DGKI: variants seen among roughly 807,000 people sequenced by gnomAD.
DGKI encodes DAG kinase iota.
DGKI carries 55 observed loss-of-function variants against 147.5 expected under a neutral mutation model. The ratio of observed to expected loss-of-function variants is 0.37; its 90% CI spans 0.30 to 0.47. The LOEUF (loss-of-function observed/expected upper bound fraction) is 0.47, where lower values mean the gene tolerates loss of function less well. Among genes scored for constraint, DGKI ranks in the 20% least tolerant of loss-of-function variants. The pLI, the probability that DGKI is intolerant of heterozygous loss-of-function variation, is 1.00. For missense variants in DGKI, 1,007 were observed against 1,323.8 expected (o/e 0.76, Z 3.71); for synonymous variants, 469 against 477.1 (o/e 0.98, Z 0.22).
chr7:137,695,477 A>G (rs532527681), intron 1 of DGKI, among the ~76,000 whole-genome samples: 1 of 152,338 alleles, frequency 6.6e-6, no homozygotes, highest in African/African-American at 2.4e-5. Flanking sequence ...TATTTTACGT[A>G]TCCCTCACAA....
At chr7:137,597,379 G>C (rs1244887231) in intron 12 of DGKI, among the ~76,000 whole-genome samples, 1 of 151,316 alleles carries the variant, frequency 6.6e-6, no homozygotes, top group African/African-American at 2.4e-5. Flanking sequence ...CAACAAAAAA[G>C]AACATAAATA....
At chr7:137,691,424 C>T (rs1823598655) in intron 1 of DGKI, among the ~76,000 whole-genome samples, 1 of 152,124 alleles carries the variant, frequency 6.6e-6, no homozygotes, top group South Asian at 2.1e-4. Context: ...ACTTCTCAAC[C>T]CCTTGGACTA....
rs144381154 is a variant in DGKI, at chr7:137,768,744, A to G, written c.401+77718T>C. 3.0e-4 allele frequency among the ~76,000 whole-genome samples: 45 copies of G among 152,208 alleles called. No homozygotes were observed. The East Asian group carries it at 5.6e-3, about 19-fold the overall frequency. On this transcript the variant is annotated intron_variant, in intron 1 of 32. Coordinates refer to ENST00000614521, the MANE Select transcript of DGKI (RefSeq NM_001321708.2). ...TCCTTGCCTTCCTCCTCCAGAGCCA[A>G]CATTCTTTGGGCTGCCTCCTTCACA...
At chr7:137,834,837 C>T (rs569473656) in intron 1 of DGKI, among the ~76,000 whole-genome samples, 1 of 152,216 alleles carries the variant, frequency 6.6e-6, no homozygotes, top group South Asian at 2.1e-4. Context: ...GGCTTCCACA[C>T]ACAGATCAAT....
intron 20 of DGKI, among the ~76,000 whole-genome samples, chr7:137,523,489 G>T (rs1406613105): frequency 6.6e-6 from 1 of 151,592 alleles, no homozygotes; most frequent in Non-Finnish European, 1.5e-5. Flanking sequence ...TTAAACTGTG[G>T]CTATTTAAAA....
At chr7:137,503,666 C>A (rs144412716) in intron 21 of DGKI, among the ~76,000 whole-genome samples, 1 of 152,088 alleles carries the variant, frequency 6.6e-6, no homozygotes, top group Non-Finnish European at 1.5e-5. Context: ...AGGAAAATTA[C>A]GATTCCAGAT....
chr7:137,809,365 A>C (rs566617390), intron 1 of DGKI, among the ~76,000 whole-genome samples: 2 of 152,212 alleles, frequency 1.3e-5, no homozygotes, highest in Non-Finnish European at 2.9e-5. Flanking sequence ...GCCTGATCTG[A>C]AGCAATGACA....
chr7:137,448,482 TGGAGGGAAGGAA>T (rs906786610), intron 27 of DGKI, among the ~76,000 whole-genome samples: 2 of 133,808 alleles, frequency 1.5e-5, no homozygotes, highest in South Asian at 2.4e-4. Flanking sequence ...AATTTAGAAA[TGGAGGGAAGGAA>T]GGAGGGAAGG....
intron 20 of DGKI, among the ~76,000 whole-genome samples, chr7:137,542,604 A>G (rs1487035812): frequency 1.3e-5 from 2 of 152,070 alleles, no homozygotes; most frequent in Non-Finnish European, 2.9e-5. Context: ...GGGAGATGGG[A>G]GGGTTTGACT....
At chr7:137,695,707 A>G (rs1464760160) in intron 1 of DGKI, among the ~76,000 whole-genome samples, 1 of 152,220 alleles carries the variant, frequency 6.6e-6, no homozygotes, top group Non-Finnish European at 1.5e-5. Flanking sequence ...ACACATATAC[A>G]TAGCAAACCA....
intron 21 of DGKI, among the ~76,000 whole-genome samples, chr7:137,496,290 C>T: frequency 6.6e-6 from 1 of 152,010 alleles, no homozygotes; most frequent in African/African-American, 2.4e-5. Flanking sequence ...TTACAAAACA[C>T]TGCTCAAAGA....
intron 28 of DGKI, among the ~76,000 whole-genome samples, chr7:137,439,320 G>A (rs1287060887): frequency 1.3e-5 from 2 of 152,250 alleles, no homozygotes; most frequent in East Asian, 3.9e-4. Flanking sequence ...TGCTAATAAA[G>A]ACATACTCAA....
At chr7:137,410,233 G>A (rs979711131) in intron 29 of DGKI, among the ~76,000 whole-genome samples, 8 of 151,976 alleles carry the variant, frequency 5.3e-5, no homozygotes, top group African/African-American at 1.2e-4. Flanking sequence ...GTGAAACCCC[G>A]TCTCAAGTAA....
chr7:137,731,829 C>T (rs1189786750), intron 1 of DGKI, among the ~76,000 whole-genome samples: 1 of 152,036 alleles, frequency 6.6e-6, no homozygotes, highest in African/African-American at 2.4e-5. Flanking sequence ...CCCAGAATTG[C>T]CAAGCCCCCA....
intron 28 of DGKI, among the ~76,000 whole-genome samples, chr7:137,434,671 A>G (rs2096125093): frequency 6.6e-6 from 1 of 152,304 alleles, no homozygotes; most frequent in African/African-American, 2.4e-5. Context: ...GATAATTATC[A>G]CCAACAAAGC....
intron 4 of DGKI, 48 bp downstream of exon 4, chr7:137,656,418 C>T (rs747494921): frequency 6.9e-6 from 11 of 1,601,340 alleles, no homozygotes; most frequent in Non-Finnish European, 9.4e-6. Flanking sequence ...CCTCTGAAGA[C>T]CAAATACTTG....
rs545513471 is a variant in DGKI, at chr7:137,406,247, C to G, written c.2920+1628G>C. Among the ~76,000 whole-genome samples the G allele has an allele frequency of 7.2e-5, 11 of 152,280 alleles. No individual in the cohort carries two copies. The East Asian group carries it at 1.9e-3, about 27-fold the overall frequency. ...AGTATACATCTAACCCTCACCTGAG[C>G]TTTGTGCAGTAGAAATCCTGAGATA... On this transcript the variant is annotated intron_variant, in intron 30 of 32. Coordinates refer to ENST00000614521, the MANE Select transcript of DGKI (RefSeq NM_001321708.2).
chr7:137,619,924 G>A lies in DGKI; in HGVS notation c.893C>T (p.Thr298Ile). Residue 298 changes from threonine to isoleucine, a missense_variant, in exon 8 of 33, where the codon ACC becomes ATC. By Grantham distance (89) the Thr-to-Ile change is moderately conservative. Around this residue, in one of 5 missense-constraint regions of DGKI, gnomAD observed 259 missense variants for 362.5 expected, o/e 0.71. Transcript: ENST00000614521. ...WCKQAFHNKV[T>I]CFMLHHIEEP... is the part of the protein sequence containing the mutation. ...TTCAATGTGATGCAGCATGAAGCAGGTCACCTTATTGTGAAACTGAAGAGA... is the reference window on the plus strand; with the variant it reads ...TTCAATGTGATGCAGCATGAAGCAGATCACCTTATTGTGAAACTGAAGAGA... The A allele has an allele frequency of 1.9e-6, 3 of 1,613,396 alleles. No individual in the cohort carries two copies. Among genetic ancestry groups the A allele is most frequent in the Non-Finnish European group, 2.5e-6 (3 of 1,179,688 alleles).
chr7:137,681,367 A>T (rs1823230433), intron 2 of DGKI, among the ~76,000 whole-genome samples: 1 of 152,232 alleles, frequency 6.6e-6, no homozygotes, highest in Non-Finnish European at 1.5e-5. Context: ...TTCAGACCCT[A>T]AAAGTTTTCA....
Sources: gnomAD v4.1 joint callset for allele counts (sites outside exome capture counted in the v4.1 genomes callset) on GRCh38, gnomAD v4.1.1 for gene constraint, gnomAD v4.1.1 regional missense constraint, MANE v1.5 for transcripts, NCBI Gene and HGNC (gene_info 2026-07-23, HGNC 2026-07-21) for gene names.